The following THSD4 variants were observed in gnomAD, a reference collection of about 807,000 sequenced individuals.
The protein encoded by THSD4 is thrombospondin type 1 domain containing 4.
A neutral mutation model predicts 119.0 loss-of-function variants in THSD4; 69 were observed. That is an observed-to-expected ratio of 0.58 (90% CI 0.48 to 0.71). The LOEUF (loss-of-function observed/expected upper bound fraction) is 0.71, where lower values mean the gene tolerates loss of function less well. Among genes scored for constraint, THSD4 ranks in the 30% least tolerant of loss-of-function variants. The pLI is 0.00. For synonymous variants in THSD4, 524 were observed against 540.4 expected, an observed-to-expected ratio of 0.97 and a Z score of 0.42; for missense variants, 1,393 against 1,391.1, an observed-to-expected ratio of 1.00 and a Z score of -0.02.
chr15:71,200,595 G>A (rs540869311), intron 3 of THSD4, among the ~76,000 whole-genome samples: 18 of 152,266 alleles, frequency 1.2e-4, no homozygotes, highest in East Asian at 7.7e-4. Flanking sequence ...CCATTGTTCC[G>A]AATAATGGTT....
intron 7 of THSD4, among the ~76,000 whole-genome samples, chr15:71,612,624 C>G (rs2050251118): frequency 6.6e-6 from 1 of 152,186 alleles, no homozygotes; most frequent in Admixed American, 6.5e-5. Flanking sequence ...ACTTTTGACA[C>G]ATTGCTAGGG....
At chr15:71,155,230 G>A (rs1413743978) in intron 3 of THSD4, among the ~76,000 whole-genome samples, 1 of 152,174 alleles carries the variant, frequency 6.6e-6, no homozygotes, top group Non-Finnish European at 1.5e-5. Flanking sequence ...AATTATGGCG[G>A]AAGACAAAGG....
chr15:71,165,718 T>C (rs530691162), intron 3 of THSD4, among the ~76,000 whole-genome samples: 2 of 152,132 alleles, frequency 1.3e-5, no homozygotes, highest in East Asian at 1.9e-4. Flanking sequence ...CTGCAGGAAT[T>C]TGTGATGCAG....
chr15:71,666,417 C>T (rs2051418101), intron 8 of THSD4, among the ~76,000 whole-genome samples: 1 of 152,018 alleles, frequency 6.6e-6, no homozygotes, highest in Non-Finnish European at 1.5e-5. Flanking sequence ...TTTCATCACC[C>T]AGGTATTAAA....
intron 6 of THSD4, among the ~76,000 whole-genome samples, chr15:71,275,035 C>T (rs1174275485): frequency 2.0e-5 from 3 of 152,114 alleles, no homozygotes; most frequent in Non-Finnish European, 4.4e-5. Flanking sequence ...CAAAGACTGC[C>T]TTGCTCAGTT....
At chr15:71,549,125 A>C (rs891986947) in intron 7 of THSD4, among the ~76,000 whole-genome samples, 1 of 152,202 alleles carries the variant, frequency 6.6e-6, no homozygotes, top group African/African-American at 2.4e-5. Context: ...GGCTCACCCA[A>C]ATCTTGGTGC....
At chr15:71,296,032 A>G (rs757790514) in intron 6 of THSD4, among the ~76,000 whole-genome samples, 8 of 152,118 alleles carry the variant, frequency 5.3e-5, no homozygotes, top group Non-Finnish European at 8.8e-5. Context: ...CAATTGTATG[A>G]TATGTCACAT....
chr15:71,256,475 CAA>C (rs34819269), intron 5 of THSD4, 136 bp from the exon 6 acceptor site: 1,050 of 355,210 alleles, frequency 3.0e-3, no homozygotes, highest in South Asian at 4.0e-3. Context: ...GACTCCATCT[CAA>C]AAAAAAAAAA....
At chr15:71,214,667 C>A (rs564298679) in intron 3 of THSD4, among the ~76,000 whole-genome samples, 3 of 152,326 alleles carry the variant, frequency 2.0e-5, no homozygotes, top group African/African-American at 7.2e-5. Context: ...CAGTTCCTTG[C>A]CTTTCCGGCA....
At chr15:71,315,881 CCTT>C (rs1190622649) in intron 6 of THSD4, among the ~76,000 whole-genome samples, 4 of 152,224 alleles carry the variant, frequency 2.6e-5, no homozygotes, top group Admixed American at 2.6e-4. Context: ...AAAAAATTGT[CCTT>C]CTATATTCTT....
chr15:71,346,875 T>TC (rs987332099), intron 6 of THSD4, among the ~76,000 whole-genome samples: 10 of 135,148 alleles, frequency 7.4e-5, no homozygotes, highest in African/African-American at 2.5e-4. Flanking sequence ...TTTCTTTTTT[T>TC]TTTTTTTTTT....
chr15:71,729,839 A>C (rs2052939289), intron 9 of THSD4: 1 of 152,052 alleles, frequency 6.6e-6, no homozygotes, highest in Non-Finnish European at 1.5e-5. Flanking sequence ...ACCGAGAGGA[A>C]GATTGTGTGA....
chr15:71,497,580 A>G lies in THSD4; in HGVS notation c.1152+85757A>G, dbSNP rs577779557. On this transcript the variant is annotated intron_variant, in intron 7 of 17. Transcript: ENST00000261862. ...ATACACATACATATAAATAATATAT[A>G]AATTTTTAAAATAAATTTATTTTGT... Among the ~76,000 whole-genome samples, 3 of 151,948 alleles carry G rather than the reference A, an allele frequency of 2.0e-5. No individual in the cohort carries two copies. The East Asian group carries it at 5.8e-4, about 29-fold the overall frequency.
At chr15:71,359,592 G>C (rs543685464) in intron 6 of THSD4, among the ~76,000 whole-genome samples, 1 of 152,318 alleles carries the variant, frequency 6.6e-6, no homozygotes, top group East Asian at 1.9e-4. Flanking sequence ...TAGATTGCTT[G>C]AGTTCAAGAG....
intron 7 of THSD4, among the ~76,000 whole-genome samples, chr15:71,463,413 T>A (rs757108069): frequency 4.2e-4 from 64 of 152,224 alleles, no homozygotes; most frequent in South Asian, 1.0e-3. Context: ...TTCAGCCAAC[T>A]ATCAGTCGCC....
intron 7 of THSD4, among the ~76,000 whole-genome samples, chr15:71,599,068 A>G (rs1339241239): frequency 6.6e-6 from 1 of 152,160 alleles, no homozygotes; most frequent in Non-Finnish European, 1.5e-5. Flanking sequence ...CACTACTGTC[A>G]GTATTTAAAG....
chr15:71,731,609 G>C (rs906954175), intron 10 of THSD4: 2 of 187,598 alleles, frequency 1.1e-5, no homozygotes, highest in South Asian at 2.3e-4. Flanking sequence ...TGAAACCCCT[G>C]TCTCTACAAA....
chr15:71,513,792 A>G (rs188976995), intron 7 of THSD4, among the ~76,000 whole-genome samples: 19 of 152,334 alleles, frequency 1.2e-4, no homozygotes, highest in African/African-American at 3.8e-4. Flanking sequence ...ACATCTATCA[A>G]TAGGTAAATA....
intron 6 of THSD4, among the ~76,000 whole-genome samples, chr15:71,361,774 T>A (rs552069704): frequency 5.0e-4 from 76 of 152,166 alleles, no homozygotes; most frequent in Non-Finnish European, 9.8e-4. Flanking sequence ...TCAAACAAAT[T>A]ATATTTCATC....
Sources: allele counts gnomAD v4.1 joint callset (sites outside exome capture counted in the v4.1 genomes callset), GRCh38; gene constraint gnomAD v4.1.1; transcripts MANE v1.5; gene names NCBI Gene and HGNC (gene_info 2026-07-23, HGNC 2026-07-21).